SH3BP4: variants seen among roughly 807,000 people sequenced by gnomAD.
SH3BP4 encodes the protein SH3 domain binding protein 4.
In SH3BP4, 33 loss-of-function variants were observed where a neutral mutation model predicts 65.5. The ratio of observed to expected loss-of-function variants is 0.50; its 90% CI spans 0.38 to 0.67. The LOEUF (loss-of-function observed/expected upper bound fraction) is 0.67. SH3BP4 is among the 30% of genes least tolerant of loss of function. SH3BP4 has a pLI of 0.00. For missense variants in SH3BP4, 1,134 were observed against 1,261.4 expected (o/e 0.90, Z 1.53); for synonymous variants, 552 against 545.5 (o/e 1.01, Z -0.17).
intron 1 of SH3BP4, among the ~76,000 whole-genome samples, chr2:234,992,584 A>G (rs1004858122): frequency 1.3e-5 from 2 of 148,518 alleles, no homozygotes; most frequent in Admixed American, 6.7e-5. Context: ...GGGTCTGGGC[A>G]GCACCTGGAG....
Position 234,978,753 on chromosome 2 carries a change from G to A in SH3BP4, c.-206-16550G>A, listed in dbSNP as rs1160726913. 2 of 152,218 alleles carry A rather than the reference G, an allele frequency of 1.3e-5. No homozygotes were observed. The highest frequency in any genetic ancestry group is 1.3e-4 in the Admixed American group (2 of 15,282). The allele number at this position is 152,218 out of a possible 1,614,324, so 9.4% of individuals were successfully genotyped here. A position where few individuals can be genotyped will look rare whatever the true frequency, so the allele number is the denominator to read the frequency against. On this transcript the variant is annotated intron_variant, in intron 1 of 5. Transcript: ENST00000392011. This position sits in a 1 kb window ranked among gnomAD's most constrained non-coding sequence, Gnocchi z 4.1. Reference sequence around the variant, plus strand: ...TAGGGTGCTTCGAGGTCCTGGAGGGGAGCCCTGGCCCTGTGGAGAGAGACC... The same window carrying A: ...TAGGGTGCTTCGAGGTCCTGGAGGGAAGCCCTGGCCCTGTGGAGAGAGACC...
chr2:235,053,541 A>G (rs1435081880), intron 5 of SH3BP4, 51 bp from the exon 6 acceptor site: 4 of 1,409,142 alleles, frequency 2.8e-6, no homozygotes, highest in Middle Eastern at 1.8e-4. Context: ...TCTGTCTCCT[A>G]ATCTTTCTTC....
At position 234,971,206 on chromosome 2, in the gene SH3BP4, A is replaced by G. The variant is rs979285043; in HGVS notation, c.-207+19036A>G. ...ACCCACCATTCCACTTTCTGTTGCT[A>G]TGAATTTGATTACTACAGGTACCTC... On this transcript the variant is annotated intron_variant, in intron 1 of 5. Coordinates refer to ENST00000392011, the MANE Select transcript of SH3BP4 (RefSeq NM_014521.3). 2.0e-5 allele frequency among the ~76,000 whole-genome samples: 3 copies of G among 152,128 alleles called. No homozygotes were observed. The East Asian group carries it at 5.8e-4, about 29-fold the overall frequency.
chr2:234,965,286 G>A (rs999263011), intron 1 of SH3BP4, among the ~76,000 whole-genome samples: 24 of 152,118 alleles, frequency 1.6e-4, no homozygotes, highest in Non-Finnish European at 3.1e-4. Flanking sequence ...TGAACTCCTC[G>A]GCAGTTCCCC....
chr2:235,001,341 CCCTCAAAA>C (rs1694091282), intron 2 of SH3BP4, among the ~76,000 whole-genome samples: 1 of 152,082 alleles, frequency 6.6e-6, no homozygotes, highest in African/African-American at 2.4e-5. Flanking sequence ...AGGATTTGCA[CCCTCAAAA>C]AACGTTAACA....
intron 2 of SH3BP4, among the ~76,000 whole-genome samples, chr2:235,006,298 A>G (rs1694291805): frequency 6.6e-6 from 1 of 152,212 alleles, no homozygotes; most frequent in Non-Finnish European, 1.5e-5. Flanking sequence ...GAGTGTGTTC[A>G]GAAAATCTCA....
intron 1 of SH3BP4, among the ~76,000 whole-genome samples, chr2:234,986,677 C>T (rs1693569389): frequency 6.6e-6 from 1 of 152,114 alleles, no homozygotes. Context: ...CCTGGTCAGC[C>T]TCAGTTCTCT....
intron 2 of SH3BP4, among the ~76,000 whole-genome samples, chr2:235,010,946 T>C (rs1346534692): frequency 1.1e-3 from 130 of 119,566 alleles, no homozygotes; most frequent in African/African-American, 4.3e-3. Context: ...ACCCTTTCTC[T>C]CTCTCCTAGA....
intron 3 of SH3BP4, among the ~76,000 whole-genome samples, chr2:235,040,336 G>T (rs958604131): frequency 6.6e-6 from 1 of 152,090 alleles, no homozygotes; most frequent in South Asian, 2.1e-4. Context: ...GTGAGGAACA[G>T]GTTGAGTTTG....
Sources: gnomAD v4.1 joint callset for allele counts (sites outside exome capture counted in the v4.1 genomes callset) on GRCh38, gnomAD v4.1.1 for gene constraint, Gnocchi (gnomAD v3.1) non-coding constraint, MANE v1.5 for transcripts, NCBI Gene and HGNC (gene_info 2026-07-23, HGNC 2026-07-21) for gene names.